The following SLC1A3 variants were observed in gnomAD, a reference collection of about 807,000 sequenced individuals.
SLC1A3 encodes the protein excitatory amino acid transporter 1.
SLC1A3 carries 21 observed loss-of-function variants against 48.1 expected under a neutral mutation model. The observed-to-expected ratio is 0.44, with a 90% CI of 0.31 to 0.63. SLC1A3 has a LOEUF of 0.63. Ranked by LOEUF, SLC1A3 falls within the 20% of genes least tolerant of loss-of-function variation. The pLI, the probability that SLC1A3 is intolerant of heterozygous loss-of-function variation, is 0.08. For synonymous variants in SLC1A3, 239 were observed against 251.4 expected (o/e 0.95, Z 0.47); for missense variants, 546 against 689.0 (o/e 0.79, Z 2.32).
At chr5:36,616,119 G>T (rs944148796) in intron 2 of SLC1A3, among the ~76,000 whole-genome samples, 7 of 152,100 alleles carry the variant, frequency 4.6e-5, no homozygotes, top group Admixed American at 2.6e-4. Context: ...TGCTTGAACC[G>T]GGAAGGAGGA....
At chr5:36,664,643 T>C (rs1741659685) in intron 3 of SLC1A3, among the ~76,000 whole-genome samples, 1 of 152,210 alleles carries the variant, frequency 6.6e-6, no homozygotes, top group South Asian at 2.1e-4. Context: ...ATATTTTCTA[T>C]TCACTTTGAT....
chr5:36,618,933 G>C (rs1427076349), intron 2 of SLC1A3, among the ~76,000 whole-genome samples: 2 of 151,972 alleles, frequency 1.3e-5, no homozygotes, highest in African/African-American at 4.8e-5. Flanking sequence ...AGCCTTTTTT[G>C]GTGCAGTTTT....
At chr5:36,642,947 TG>T (rs766313471) in intron 3 of SLC1A3, among the ~76,000 whole-genome samples, 10 of 152,214 alleles carry the variant, frequency 6.6e-5, no homozygotes, top group Non-Finnish European at 1.2e-4. Flanking sequence ...TGCATATACA[TG>T]GACATGTGAT....
At chr5:36,626,412 G>A (rs980504808) in intron 2 of SLC1A3, among the ~76,000 whole-genome samples, 2 of 152,136 alleles carry the variant, frequency 1.3e-5, no homozygotes, top group Non-Finnish European at 2.9e-5. Context: ...AAATATTACT[G>A]TATGTAAGTA....
chr5:36,629,810 A>G, intron 3 of SLC1A3: 1 of 543,698 alleles, frequency 1.8e-6, no homozygotes, highest in Non-Finnish European at 3.3e-6. Context: ...TTAAACAGCC[A>G]CGTAATCTGG....
At chr5:36,611,834 T>TC (rs35286117) in intron 2 of SLC1A3, among the ~76,000 whole-genome samples, 129,403 of 152,196 alleles carry the variant, frequency 0.85, 55,259 homozygotes, top group African/African-American at 0.93. Context: ...AAAGGAAAAG[T>TC]CTTTGTCATG....
intron 2 of SLC1A3, 43 bp downstream of exon 2, chr5:36,608,647 C>T: frequency 6.2e-7 from 1 of 1,607,568 alleles, no homozygotes; most frequent in Non-Finnish European, 8.5e-7. Flanking sequence ...TATCTTGTTT[C>T]TCTGGGGCAT....
In SLC1A3 at chr5:36,686,717, G is replaced by A. The variant is rs1742662950; in HGVS notation, c.*448G>A. ...TTGAATTACAACCGGTTATCAGTTG[G>A]ACAGTAAGATTTTATCCCTTTCTCT... On this transcript the variant is annotated 3_prime_UTR_variant, in exon 10 of 10. Coordinates refer to ENST00000265113, the MANE Select transcript of SLC1A3 (RefSeq NM_004172.5). 1 of 262,524 alleles carries A rather than the reference G, an allele frequency of 3.8e-6. No individual in the cohort carries two copies. Among genetic ancestry groups the A allele is most frequent in the Non-Finnish European group, 7.4e-6 (1 of 134,862 alleles). 16.3% of individuals were successfully genotyped at this position (262,524 alleles called of 1,614,324 possible).
At chr5:36,635,608 C>T (rs1740311276) in intron 3 of SLC1A3, among the ~76,000 whole-genome samples, 1 of 152,236 alleles carries the variant, frequency 6.6e-6, no homozygotes, top group South Asian at 2.1e-4. Context: ...ATTCGATTAC[C>T]TTATCACAGC....
rs1261790718 is a variant in SLC1A3 at position 36,677,075 on chromosome 5, A to T, written c.751A>T (p.Met251Leu). ...VNALGLVVFS[M>L]CFGFVIGNMK... ...TGCCCTGGGTCTAGTTGTCTTCTCC[A>T]TGTGCTTCGGTTTTGTGATTGGAAA... The change falls in exon 6 of 10, where the codon ATG (methionine) becomes TTG (leucine). Residue 251 changes from methionine (M) to leucine (L), a missense_variant. Met to Leu is a conservative substitution (Grantham distance 15). Coordinates refer to ENST00000265113, the MANE Select transcript of SLC1A3 (RefSeq NM_004172.5). The T allele has an allele frequency of 6.2e-7, 1 of 1,614,098 alleles. No individual in the cohort carries two copies. Among genetic ancestry groups the T allele is most frequent in the Admixed American group, 1.7e-5 (1 of 60,022 alleles).
intron 2 of SLC1A3, among the ~76,000 whole-genome samples, chr5:36,613,929 A>G (rs1307711277): frequency 6.6e-6 from 1 of 152,188 alleles, no homozygotes; most frequent in African/African-American, 2.4e-5. Context: ...GTGATAACAC[A>G]TGTACCCACA....
At chr5:36,658,221 G>A (rs1258541614) in intron 3 of SLC1A3, among the ~76,000 whole-genome samples, 1 of 152,180 alleles carries the variant, frequency 6.6e-6, no homozygotes, top group East Asian at 1.9e-4. Context: ...CACAGGAAAT[G>A]AGGACGAGAG....
chr5:36,665,911 T>C (rs970056216), intron 3 of SLC1A3, among the ~76,000 whole-genome samples: 1 of 152,252 alleles, frequency 6.6e-6, no homozygotes, highest in Admixed American at 6.5e-5. Flanking sequence ...ATCTAACTTT[T>C]AATGATTTGT....
rs929629975 is a variant in SLC1A3, at chr5:36,680,642, G to A, written c.1289+53G>A. 2.0e-6 allele frequency: 3 copies of A among 1,492,536 alleles called. No homozygotes were observed. In the African/African-American group the frequency reaches 4.1e-5, roughly 21 times the overall value. The allele number at this position is 1,492,536 out of a possible 1,614,324, so 92.5% of individuals were successfully genotyped here. ...TTCTTAAGAATGCCTTTAAGGCTGG[G>A]CGTGGTGGCTCACGCCTGTAATCCT... On this transcript the variant is annotated intron_variant, in intron 8 of 9. Transcript: ENST00000265113.
intron 1 of SLC1A3, among the ~76,000 whole-genome samples, chr5:36,601,226 T>C (rs1462376150): frequency 1.3e-5 from 2 of 152,030 alleles, no homozygotes; most frequent in Non-Finnish European, 2.9e-5. Flanking sequence ...ATGTCATCAC[T>C]GTGCTTCATA....
intron 2 of SLC1A3, among the ~76,000 whole-genome samples, chr5:36,623,794 C>A (rs1368891529): frequency 6.7e-6 from 1 of 149,212 alleles, no homozygotes; most frequent in Non-Finnish European, 1.5e-5. Flanking sequence ...AACCCAGAGG[C>A]AGAGGTTGCA....
At chr5:36,625,438 C>T (rs1223302324) in intron 2 of SLC1A3, among the ~76,000 whole-genome samples, 2 of 152,056 alleles carry the variant, frequency 1.3e-5, no homozygotes, top group South Asian at 2.1e-4. Flanking sequence ...GCTTGGGTGA[C>T]GGAGTAAGAC....
chr5:36,673,895 T>A (rs186052446), intron 4 of SLC1A3, among the ~76,000 whole-genome samples, 154 bp from the exon 5 acceptor site: 12 of 152,338 alleles, frequency 7.9e-5, no homozygotes, highest in Admixed American at 6.5e-4. Flanking sequence ...GAGGACCATA[T>A]ATTCTTTTCA....
intron 4 of SLC1A3, 90 bp downstream of exon 4, chr5:36,671,323 G>A: frequency 1.1e-6 from 1 of 880,492 alleles, no homozygotes. Context: ...AGGGGTGTGT[G>A]ACTGAACCAG....
Sources: gnomAD v4.1 joint callset for allele counts (sites outside exome capture counted in the v4.1 genomes callset) on GRCh38, gnomAD v4.1.1 for gene constraint, MANE v1.5 for transcripts, NCBI Gene and HGNC (gene_info 2026-07-23, HGNC 2026-07-21) for gene names.